Variants in ADARB2 observed in about 807,000 individuals in gnomAD.
The protein encoded by ADARB2 is inactive double-stranded RNA-specific editase B2.
ADARB2 carries 25 observed loss-of-function variants against 62.2 expected under a neutral mutation model. That is an observed-to-expected ratio of 0.40 (90% CI 0.29 to 0.56). The LOEUF is 0.56. ADARB2 is among the 20% of genes least tolerant of loss of function. ADARB2 has a pLI of 0.43. For synonymous variants in ADARB2, 572 were observed against 500.8 expected (o/e 1.14, Z -1.90); for missense variants, 1,071 against 1,077.4 (o/e 0.99, Z 0.08).
At chr10:1,648,548 T>G (rs903117705) in intron 1 of ADARB2, among the ~76,000 whole-genome samples, 2 of 152,214 alleles carry the variant, frequency 1.3e-5, no homozygotes, top group African/African-American at 4.8e-5. Context: ...GCTCGAGAAC[T>G]GTTCACTTAG....
chr10:1,320,222 G>A (rs1831782749), intron 3 of ADARB2, among the ~76,000 whole-genome samples: 1 of 152,214 alleles, frequency 6.6e-6, no homozygotes, highest in Admixed American at 6.5e-5. Context: ...TTGCCATTCT[G>A]GTGTCCCATG....
chr10:1,262,690 A>C (rs1037422651), intron 4 of ADARB2, among the ~76,000 whole-genome samples: 54 of 152,298 alleles, frequency 3.5e-4, no homozygotes, highest in African/African-American at 1.2e-3. Flanking sequence ...GTGGGACTGT[A>C]AACTAGTTCA....
intron 1 of ADARB2, among the ~76,000 whole-genome samples, chr10:1,668,989 C>A (rs1834346966): frequency 6.6e-6 from 1 of 152,224 alleles, no homozygotes; most frequent in Non-Finnish European, 1.5e-5. Context: ...TCACCTTGGG[C>A]TGGTTGGCCG....
chr10:1,573,435 C>G (rs567615563), intron 1 of ADARB2, among the ~76,000 whole-genome samples: 137 of 152,274 alleles, frequency 9.0e-4, no homozygotes, highest in Non-Finnish European at 1.5e-3. Context: ...GGAGCGGAAA[C>G]TGGTGAGGCC....
intron 7 of ADARB2, among the ~76,000 whole-genome samples, chr10:1,209,428 TGCCCACACCTACAGCCTG>T (rs1221660368): frequency 2.7e-5 from 3 of 109,992 alleles, no homozygotes; most frequent in African/African-American, 1.2e-4. Flanking sequence ...CCGTCACCCA[TGCCCACACCTACAGCCTG>T]GCCCACACCC....
At chr10:1,394,448 C>T (rs1435955698) in intron 1 of ADARB2, among the ~76,000 whole-genome samples, 2 of 152,224 alleles carry the variant, frequency 1.3e-5, no homozygotes, top group Non-Finnish European at 2.9e-5. Flanking sequence ...CCACAGCCTG[C>T]TCCTGCTGCT....
chr10:1,550,952 A>G (rs577449395), intron 1 of ADARB2, among the ~76,000 whole-genome samples: 426 of 152,350 alleles, frequency 2.8e-3, no homozygotes, highest in African/African-American at 9.6e-3. Context: ...AAAGGACGGC[A>G]GAAAAGGGGC....
chr10:1,502,449 C>T (rs1831778006), intron 1 of ADARB2, among the ~76,000 whole-genome samples: 1 of 152,224 alleles, frequency 6.6e-6, no homozygotes, highest in Non-Finnish European at 1.5e-5. Context: ...AACTATAGGC[C>T]TCCTTCAAAA....
intron 7 of ADARB2, among the ~76,000 whole-genome samples, chr10:1,202,569 C>T (rs78201623): frequency 0.017 from 2,600 of 152,264 alleles, 32 homozygotes; most frequent in Middle Eastern, 0.041. Flanking sequence ...GGAGGAAATT[C>T]AGCAGTGTGG....
At chr10:1,190,824 G>T (rs1385575139) in intron 8 of ADARB2, among the ~76,000 whole-genome samples, 2 of 152,230 alleles carry the variant, frequency 1.3e-5, no homozygotes, top group Non-Finnish European at 2.9e-5. Context: ...CATCTGCAAA[G>T]ACCCCTTTTT....
chr10:1,713,697 G>T (rs1834980149), intron 1 of ADARB2, among the ~76,000 whole-genome samples: 1 of 152,190 alleles, frequency 6.6e-6, no homozygotes. Flanking sequence ...TCCTCCTGCT[G>T]CAGTACCTGG....
At chr10:1,542,247 C>T (rs1242516504) in intron 1 of ADARB2, among the ~76,000 whole-genome samples, 2 of 7,776 alleles carry the variant, frequency 2.6e-4, no homozygotes, top group Admixed American at 3.3e-3. Flanking sequence ...CCCACTCAGA[C>T]GCAGTTCAGA....
At chr10:1,485,046 G>A (rs12784235) in intron 1 of ADARB2, among the ~76,000 whole-genome samples, 78,394 of 151,536 alleles carry the variant, frequency 0.52, 20,623 homozygotes, top group East Asian at 0.64. Context: ...TTGTAGGTGC[G>A]CTTGCAGGAA....
chr10:1,384,242 C>A (rs1243406250), intron 1 of ADARB2, among the ~76,000 whole-genome samples: 3 of 152,228 alleles, frequency 2.0e-5, no homozygotes, highest in African/African-American at 7.2e-5. Flanking sequence ...GTTCTCTACG[C>A]TTCCCGGTCC....
intron 4 of ADARB2, among the ~76,000 whole-genome samples, chr10:1,261,960 C>T (rs1393475368): frequency 1.4e-5 from 2 of 147,658 alleles, no homozygotes; most frequent in African/African-American, 5.2e-5. Context: ...TACTATGCAG[C>T]CATAAAAAAT....
At chr10:1,411,023 G>T (rs1287872356) in intron 1 of ADARB2, among the ~76,000 whole-genome samples, 1 of 152,186 alleles carries the variant, frequency 6.6e-6, no homozygotes, top group East Asian at 1.9e-4. Context: ...GCTCCATGCT[G>T]TGCTGGTGTC....
At chr10:1,235,191 G>T (rs1420162117) in intron 5 of ADARB2, among the ~76,000 whole-genome samples, 4 of 148,172 alleles carry the variant, frequency 2.7e-5, no homozygotes, top group Non-Finnish European at 6.0e-5. Flanking sequence ...AGCCTGAGTG[G>T]GCAGCTTGTG....
Position 1,707,715 on chromosome 10 carries a change from A to AATATATAT in ADARB2, c.100+29335_100+29336insATATATAT, listed in dbSNP as rs1834906184. 5.9e-5 allele frequency among the ~76,000 whole-genome samples: 9 copies of AATATATAT among 152,290 alleles called. No individual in the cohort carries two copies. In the South Asian group the frequency reaches 1.9e-3, roughly 32 times the overall value. Reference sequence around the variant, plus strand: ...GGTTCGGCACAGTTAGACTTCTCCAAATGTATACATTTCATCTCCTTTCTT... The same window carrying AATATATAT: ...GGTTCGGCACAGTTAGACTTCTCCAAATATATATATGTATACATTTCATCTCCTTTCTT... On this transcript the variant is annotated intron_variant, in intron 1 of 9. Coordinates refer to ENST00000381312, the MANE Select transcript of ADARB2 (RefSeq NM_018702.4).
chr10:1,686,800 CATTAACAAATGTTTATTGTTG>C (rs1834601832), intron 1 of ADARB2, among the ~76,000 whole-genome samples: 1 of 152,154 alleles, frequency 6.6e-6, no homozygotes, highest in Non-Finnish European at 1.5e-5. Flanking sequence ...ATCATATTAA[CATTAACAAATGTTTATTGTTG>C]ATTTCTCTAG....
Sources: allele counts gnomAD v4.1 joint callset (sites outside exome capture counted in the v4.1 genomes callset), GRCh38; gene constraint gnomAD v4.1.1; transcripts MANE v1.5; gene names NCBI Gene and HGNC (gene_info 2026-07-23, HGNC 2026-07-21).